CHCHD6: variants seen among roughly 807,000 people sequenced by gnomAD.
CHCHD6 encodes the protein coiled-coil-helix-coiled-coil-helix domain containing 6, also known as MICOS complex subunit MIC25.
In CHCHD6, 28 loss-of-function variants were observed where a neutral mutation model predicts 32.3. The ratio of observed to expected loss-of-function variants is 0.87; its 90% CI spans 0.64 to 1.19. The LOEUF (loss-of-function observed/expected upper bound fraction) is 1.19, where lower values mean the gene tolerates loss of function less well. Among genes scored for constraint, CHCHD6 ranks in the 50% most tolerant of loss-of-function variants. CHCHD6 has a pLI of 0.00. For synonymous variants in CHCHD6, 122 were observed against 117.5 expected, an observed-to-expected ratio of 1.04 and a Z score of -0.25; for missense variants, 333 against 307.0, an observed-to-expected ratio of 1.08 and a Z score of -0.63.
intron 6 of CHCHD6, among the ~76,000 whole-genome samples, chr3:126,942,741 G>A (rs1016231206): frequency 4.6e-5 from 7 of 152,088 alleles, no homozygotes; most frequent in Non-Finnish European, 7.4e-5. Flanking sequence ...TAGAAACCAT[G>A]CTCTGGGATC....
intron 4 of CHCHD6, among the ~76,000 whole-genome samples, chr3:126,741,470 C>T (rs1936286018): frequency 1.3e-5 from 2 of 151,924 alleles, no homozygotes; most frequent in South Asian, 4.2e-4. Flanking sequence ...TGGCCAGATG[C>T]CATGGAGCAT....
chr3:126,840,473 G>A (rs1409753814), intron 4 of CHCHD6, among the ~76,000 whole-genome samples: 1 of 152,112 alleles, frequency 6.6e-6, no homozygotes, highest in Non-Finnish European at 1.5e-5. Flanking sequence ...ATATTAAGAG[G>A]GAGGGAAGAC....
intron 4 of CHCHD6, among the ~76,000 whole-genome samples, chr3:126,739,110 G>T (rs752219368): frequency 2.6e-5 from 4 of 152,150 alleles, no homozygotes; most frequent in Non-Finnish European, 4.4e-5. Flanking sequence ...TGAAAATCCT[G>T]TGGAGATCTG....
chr3:126,864,667 T>G (rs1942175802), intron 5 of CHCHD6, among the ~76,000 whole-genome samples: 1 of 135,704 alleles, frequency 7.4e-6, no homozygotes, highest in African/African-American at 2.8e-5. Context: ...CTCCACCTCC[T>G]CCACCATCAT....
intron 4 of CHCHD6, among the ~76,000 whole-genome samples, chr3:126,754,072 C>A (rs1222236987): frequency 6.6e-6 from 1 of 152,164 alleles, no homozygotes; most frequent in African/African-American, 2.4e-5. Context: ...CTGGTTTGTC[C>A]ACATTAGTCC....
chr3:126,833,378 A>G (rs989087606), intron 4 of CHCHD6, among the ~76,000 whole-genome samples: 1 of 152,220 alleles, frequency 6.6e-6, no homozygotes, highest in Non-Finnish European at 1.5e-5. Flanking sequence ...TCCCTGAAAG[A>G]CAGAAGATTT....
intron 5 of CHCHD6, among the ~76,000 whole-genome samples, chr3:126,905,913 C>G (rs1464512095): frequency 6.6e-6 from 1 of 151,978 alleles, no homozygotes; most frequent in Non-Finnish European, 1.5e-5. Flanking sequence ...GGGCATCACG[C>G]GAGAACCAAG....
chr3:126,706,389 G>T (rs764448878), intron 1 of CHCHD6, among the ~76,000 whole-genome samples: 1 of 152,140 alleles, frequency 6.6e-6, no homozygotes, highest in Non-Finnish European at 1.5e-5. Context: ...CTTTAATTAA[G>T]ATCTTTTCGG....
intron 1 of CHCHD6, among the ~76,000 whole-genome samples, chr3:126,725,920 A>G (rs934409572): frequency 1.3e-5 from 2 of 152,228 alleles, no homozygotes; most frequent in Admixed American, 1.3e-4. Context: ...TTAAGGGAAT[A>G]CGGTGGCTGG....
intron 1 of CHCHD6, among the ~76,000 whole-genome samples, chr3:126,726,487 TG>T (rs1312157751): frequency 1.3e-5 from 2 of 152,142 alleles, no homozygotes; most frequent in Non-Finnish European, 2.9e-5. Context: ...ACAAAGTACA[TG>T]CTGTTGGAAA....
rs368325813 is a variant in CHCHD6, at chr3:126,804,389, C to T, written c.412-48258C>T. On this transcript the variant is annotated intron_variant, in intron 4 of 7. Transcript: ENST00000290913. The stretch of plus-strand genomic sequence containing the variant: ...AAAATGATAAAGGGGATATCACCAC[C>T]GATCCCACAGAAATACAAACTACCA... 4.1e-4 allele frequency among the ~76,000 whole-genome samples: 62 copies of T among 152,116 alleles called. No individual in the cohort carries two copies. In the East Asian group the frequency reaches 9.1e-3, roughly 22 times the overall value.
intron 5 of CHCHD6, among the ~76,000 whole-genome samples, chr3:126,855,863 A>T (rs879609755): frequency 1.3e-5 from 2 of 152,224 alleles, no homozygotes; most frequent in Admixed American, 6.5e-5. Context: ...GAAAAGTTAC[A>T]TACAGGGACA....
intron 3 of CHCHD6, 34 bp downstream of exon 3, chr3:126,730,664 C>A (rs199956149): frequency 1.3e-6 from 2 of 1,580,418 alleles, no homozygotes; most frequent in Non-Finnish European, 1.7e-6. Context: ...CCCGGCACTG[C>A]GCTCCGCCTA....
chr3:126,882,235 A>G (rs2107573673), intron 5 of CHCHD6, among the ~76,000 whole-genome samples: 1 of 152,142 alleles, frequency 6.6e-6, no homozygotes, highest in Admixed American at 6.5e-5. Flanking sequence ...TGGCAAGAGT[A>G]CCTCTCTTAC....
At chr3:126,832,205 G>A (rs544800623) in intron 4 of CHCHD6, among the ~76,000 whole-genome samples, 4 of 152,306 alleles carry the variant, frequency 2.6e-5, no homozygotes, top group South Asian at 4.1e-4. Context: ...GATTCAAAAC[G>A]AGGTCTCTCT....
intron 5 of CHCHD6, among the ~76,000 whole-genome samples, chr3:126,911,552 A>T (rs141848530): frequency 6.6e-6 from 1 of 152,240 alleles, no homozygotes; most frequent in Admixed American, 6.5e-5. Context: ...TGAGTGGGGT[A>T]GGCGGGTCAG....
At chr3:126,770,542 G>A (rs935391479) in intron 4 of CHCHD6, among the ~76,000 whole-genome samples, 7 of 152,306 alleles carry the variant, frequency 4.6e-5, no homozygotes, top group African/African-American at 1.4e-4. Flanking sequence ...ATGAAGGGAT[G>A]TTGAATTTTA....
chr3:126,709,132 A>AT (rs562731435), intron 1 of CHCHD6, among the ~76,000 whole-genome samples: 3 of 152,250 alleles, frequency 2.0e-5, no homozygotes, highest in South Asian at 2.1e-4. Flanking sequence ...GATTTGTATA[A>AT]TTTTTTTGGT....
At chr3:126,770,662 C>T (rs1450218195) in intron 4 of CHCHD6, among the ~76,000 whole-genome samples, 1 of 152,176 alleles carries the variant, frequency 6.6e-6, no homozygotes, top group Non-Finnish European at 1.5e-5. Flanking sequence ...AACCTTGCAT[C>T]CCAGGGATAA....
Sources: allele counts gnomAD v4.1 joint callset (sites outside exome capture counted in the v4.1 genomes callset), GRCh38; gene constraint gnomAD v4.1.1; transcripts MANE v1.5; gene names NCBI Gene and HGNC (gene_info 2026-07-23, HGNC 2026-07-21).